SMURF1: variants seen among roughly 807,000 people sequenced by gnomAD.
SMURF1 encodes the protein SMAD specific E3 ubiquitin protein ligase 1.
SMURF1 carries 44 observed loss-of-function variants against 98.0 expected under a neutral mutation model. The ratio of observed to expected loss-of-function variants is 0.45; its 90% CI spans 0.35 to 0.58. SMURF1 has a LOEUF of 0.58. SMURF1 is among the 20% of genes least tolerant of loss of function. The pLI is 0.00. For missense variants in SMURF1, 687 were observed against 938.4 expected (o/e 0.73, Z 3.50); for synonymous variants, 396 against 374.9 (o/e 1.06, Z -0.65).
At chr7:99,115,323 T>A (rs1411617371) in intron 1 of SMURF1, among the ~76,000 whole-genome samples, 3 of 152,296 alleles carry the variant, frequency 2.0e-5, no homozygotes, top group Non-Finnish European at 4.4e-5. Context: ...GCCAGTGCAG[T>A]GGCTCATGTC....
chr7:99,052,826 C>T (rs1050139174), intron 6 of SMURF1, among the ~76,000 whole-genome samples: 3 of 152,078 alleles, frequency 2.0e-5, no homozygotes, highest in South Asian at 2.1e-4. Flanking sequence ...AACTTTGGGA[C>T]GCCGAAGTGG....
At chr7:99,044,871 C>T (rs1395869428) in intron 11 of SMURF1, among the ~76,000 whole-genome samples, 1 of 152,224 alleles carries the variant, frequency 6.6e-6, no homozygotes, top group Admixed American at 6.5e-5. Flanking sequence ...CACAGCGGTT[C>T]ACACCTGCAA....
chr7:99,039,538 G>A (rs187822498), intron 13 of SMURF1, among the ~76,000 whole-genome samples: 73 of 152,126 alleles, frequency 4.8e-4, no homozygotes, highest in Admixed American at 8.5e-4. Flanking sequence ...TAGTAGGGAC[G>A]GGATTTCACC....
At chr7:99,098,268 AT>A (rs1396449758) in intron 1 of SMURF1, among the ~76,000 whole-genome samples, 1 of 152,220 alleles carries the variant, frequency 6.6e-6, no homozygotes, top group Non-Finnish European at 1.5e-5. Context: ...AGAAACTGAG[AT>A]GGAAGCAGGG....
At chr7:99,085,677 G>A (rs1291839335) in intron 1 of SMURF1, among the ~76,000 whole-genome samples, 7 of 152,192 alleles carry the variant, frequency 4.6e-5, no homozygotes, top group Admixed American at 3.9e-4. Context: ...TTTGACAAAT[G>A]TAGAATGACA....
At position 99,038,965 on chromosome 7, in the gene SMURF1, G is replaced by A. The variant is rs551868622; in HGVS notation, c.1551-440C>T. Among the ~76,000 whole-genome samples the A allele has an allele frequency of 3.0e-3, 453 of 152,066 alleles. 2 individuals carry two copies. Among genetic ancestry groups the A allele is most frequent in the African/African-American group, 4.1e-3 (171 of 41,472 alleles). On this transcript the variant is annotated intron_variant, in intron 13 of 17. Coordinates refer to ENST00000361368, the MANE Select transcript of SMURF1 (RefSeq NM_181349.3). Reference sequence around the variant, plus strand: ...TCCCAGCACTTTGGGATACCGAGGCGGGTGGATTACGAGGTCAGGAGATTG... The same window carrying A: ...TCCCAGCACTTTGGGATACCGAGGCAGGTGGATTACGAGGTCAGGAGATTG...
chr7:99,036,891 G>T (rs1795166894), intron 15 of SMURF1, among the ~76,000 whole-genome samples, 176 bp downstream of exon 15: 1 of 152,116 alleles, frequency 6.6e-6, no homozygotes, highest in Non-Finnish European at 1.5e-5. Context: ...TTACTAACTG[G>T]CATGAACACC....
chr7:99,050,386 A>G (rs1795716845), intron 8 of SMURF1: 1 of 153,050 alleles, frequency 6.5e-6, no homozygotes, highest in Non-Finnish European at 1.5e-5. Context: ...GGGTTTCTTC[A>G]TTGGAAAGTT....
intron 3 of SMURF1, 48 bp downstream of exon 3, chr7:99,060,551 C>A (rs377231780): frequency 1.0e-5 from 14 of 1,369,876 alleles, no homozygotes; most frequent in African/African-American, 1.4e-5. Context: ...AAGGTAGACA[C>A]CTGCTTTCCT....
chr7:99,117,406 T>C (rs1305003903), intron 1 of SMURF1, among the ~76,000 whole-genome samples: 2 of 152,122 alleles, frequency 1.3e-5, no homozygotes, highest in East Asian at 1.9e-4. Flanking sequence ...TTCAGTACGA[T>C]AGCATGATCT....
intron 15 of SMURF1, 80 bp downstream of exon 15, chr7:99,036,987 C>T: frequency 6.2e-7 from 1 of 1,600,410 alleles, no homozygotes; most frequent in Admixed American, 1.7e-5. Flanking sequence ...GCACACACTG[C>T]CCCCTGCAGC....
chr7:99,126,348 CTTTTT>C (rs765375466), intron 1 of SMURF1, among the ~76,000 whole-genome samples: 1 of 142,678 alleles, frequency 7.0e-6, no homozygotes, highest in Non-Finnish European at 1.5e-5. Flanking sequence ...GCATATATTC[CTTTTT>C]TTTTTTTTTT....
intron 11 of SMURF1, among the ~76,000 whole-genome samples, chr7:99,042,785 C>G (rs1334454286): frequency 6.6e-6 from 1 of 152,190 alleles, no homozygotes; most frequent in Non-Finnish European, 1.5e-5. Flanking sequence ...CTCAAAACTC[C>G]TTTTCAACGG....
intron 1 of SMURF1, among the ~76,000 whole-genome samples, chr7:99,133,288 C>T (rs1797913161): frequency 6.6e-6 from 1 of 151,662 alleles, no homozygotes; most frequent in South Asian, 2.1e-4. Context: ...CACAGTTATA[C>T]AAAACACTAA....
Position 99,030,636 on chromosome 7 carries a change from T to C in SMURF1, c.2144A>G (p.Tyr715Cys), listed in dbSNP as rs1228970463. 4 of 1,614,034 alleles carry C rather than the reference T, an allele frequency of 2.5e-6. No homozygotes were observed. The African/African-American group carries it at 4.0e-5, about 16-fold the overall frequency. The change falls in exon 18 of 18, where the codon TAC becomes TGC. Residue 715 changes from tyrosine to cysteine, a missense_variant. By Grantham distance (194) the Tyr-to-Cys change is radical (BLOSUM62 -2). This residue lies in a region of SMURF1 where 272 missense variants were observed against 430.0 expected (regional missense o/e 0.63). Transcript: ENST00000361368. ...CTCCACGGCTGTCAGCAGCTTCTCG[T>C]AGAGCTTCTCATAGGACTCATATGG... ...IPPYESYEKL[Y>C]EKLLTAVEET... is the part of the protein sequence containing the mutation.
intron 1 of SMURF1, among the ~76,000 whole-genome samples, chr7:99,063,464 T>C (rs1230319163): frequency 6.7e-6 from 1 of 149,848 alleles, no homozygotes; most frequent in Non-Finnish European, 1.5e-5. Context: ...AACTAACTTC[T>C]TTTTTTAAAG....
chr7:99,071,657 A>T (rs1389470340), intron 1 of SMURF1, among the ~76,000 whole-genome samples: 1 of 152,198 alleles, frequency 6.6e-6, no homozygotes, highest in African/African-American at 2.4e-5. Flanking sequence ...TAAGTATTAT[A>T]GGCTAACACC....
At chr7:99,134,762 ATAACC>A (rs1217124000) in intron 1 of SMURF1, among the ~76,000 whole-genome samples, 1 of 152,208 alleles carries the variant, frequency 6.6e-6, no homozygotes, top group African/African-American at 2.4e-5. Context: ...TAGGTCAGAG[ATAACC>A]CCAAATGACA....
chr7:99,062,149 C>T (rs968568572), intron 1 of SMURF1, among the ~76,000 whole-genome samples: 1 of 149,838 alleles, frequency 6.7e-6, no homozygotes, highest in Non-Finnish European at 1.5e-5. Flanking sequence ...GGCTGGAGTG[C>T]AGGGGCATGA....
Sources: gnomAD v4.1 joint callset for allele counts (sites outside exome capture counted in the v4.1 genomes callset) on GRCh38, gnomAD v4.1.1 for gene constraint, gnomAD v4.1.1 regional missense constraint, MANE v1.5 for transcripts, NCBI Gene and HGNC (gene_info 2026-07-23, HGNC 2026-07-21) for gene names.